Variants in COL9A3 observed in about 807,000 individuals in gnomAD.
COL9A3 encodes the protein collagen type IX alpha 3 chain.
A neutral mutation model predicts 110.2 loss-of-function variants in COL9A3; 82 were observed. The observed-to-expected ratio is 0.74, with a 90% CI of 0.62 to 0.89. The LOEUF is 0.89. COL9A3 is among the 40% of genes least tolerant of loss of function. The probability of loss-of-function intolerance (pLI) is 0.00; values close to 1 mark genes in which losing one functional copy is unlikely to be tolerated. For synonymous variants in COL9A3, 494 were observed against 403.8 expected, an observed-to-expected ratio of 1.22 and a Z score of -2.68; for missense variants, 1,066 against 981.3, an observed-to-expected ratio of 1.09 and a Z score of -1.15.
intron 13 of COL9A3, 144 bp downstream of exon 13, chr20:62,826,014 G>C (rs1169414692): frequency 2.7e-6 from 3 of 1,125,686 alleles, no homozygotes; most frequent in Non-Finnish European, 2.6e-6. Context: ...CGACCTGGCT[G>C]GGGGTCCCAC....
intron 31 of COL9A3, 84 bp from the exon 32 acceptor site, chr20:62,840,458 C>T: frequency 7.9e-7 from 1 of 1,271,242 alleles, no homozygotes; most frequent in Non-Finnish European, 1.1e-6. Context: ...GATGGAAGAG[C>T]AGGGCTTGCC....
In COL9A3 at chr20:62,830,586, C is replaced by T. The variant is rs149288125; in HGVS notation, c.1285C>T (p.Arg429Trp). 53 of 1,598,862 alleles carry T rather than the reference C, an allele frequency of 3.3e-5. No homozygotes were observed. In the African/African-American group the frequency reaches 3.4e-4, roughly 10 times the overall value. Reference sequence around the variant, plus strand: ...GGGCCTCCGAGGTGACGTGGGCGACCGGGTAAGTGGCCCTCTCAGCAGGAA... The same window carrying T: ...GGGCCTCCGAGGTGACGTGGGCGACTGGGTAAGTGGCCCTCTCAGCAGGAA... ...PQGLRGDVGD[R>W]GPGGAAGPKG... Residue 429 changes from arginine (R) to tryptophan (W), a missense_variant and splice_region_variant, in exon 24 of 32, where the codon CGG becomes TGG. Coordinates refer to ENST00000649368, the MANE Select transcript of COL9A3 (RefSeq NM_001853.4).
intron 24 of COL9A3, chr20:62,831,577 C>G (rs741757): frequency 0.15 from 26,292 of 173,260 alleles, 2,189 homozygotes; most frequent in African/African-American, 0.19. Context: ...ATGCCAGCAA[C>G]CTCAGGGCCT....
intron 26 of COL9A3, among the ~76,000 whole-genome samples, chr20:62,833,465 G>A (rs2872351): frequency 0.18 from 27,308 of 152,028 alleles, 2,612 homozygotes; most frequent in African/African-American, 0.25. Context: ...GTGCAGTGGC[G>A]CGATCTCGGC....
Position 62,830,564 on chromosome 20 carries a change from C to A in COL9A3, c.1263C>A (p.Gly421=), listed in dbSNP as rs776017580. The change falls in exon 24 of 32, where the codon GGC becomes GGA. Residue 421 remains glycine (G), a synonymous_variant. Transcript: ENST00000649368. The part of the protein sequence containing the change: ...MGDPGLPGPQ[G]LRGDVGDRGP... ...ACCCCGGCCTTCCAGGCCCCCAGGG[C>A]CTCCGAGGTGACGTGGGCGACCGGG... 1 of 1,606,084 alleles carries A rather than the reference C, an allele frequency of 6.2e-7. No homozygotes were observed. Among genetic ancestry groups the A allele is most frequent in the Non-Finnish European group, 8.5e-7 (1 of 1,177,382 alleles).
At chr20:62,835,439 G>A (rs1026421321) in intron 26 of COL9A3, among the ~76,000 whole-genome samples, 8 of 152,190 alleles carry the variant, frequency 5.3e-5, no homozygotes, top group African/African-American at 1.9e-4. Flanking sequence ...CCGGAGAGCC[G>A]AGCTCTCAAA....
intron 12 of COL9A3, 47 bp downstream of exon 12, chr20:62,825,068 T>G (rs759529722): frequency 7.1e-7 from 1 of 1,413,144 alleles, no homozygotes; most frequent in East Asian, 2.8e-5. Flanking sequence ...GACTGGAGGC[T>G]GGGCTCCGGC....
intron 11 of COL9A3, among the ~76,000 whole-genome samples, 161 bp from the exon 12 acceptor site, chr20:62,824,805 CCT>C (rs2063537445): frequency 6.6e-6 from 1 of 152,156 alleles, no homozygotes. Context: ...GGTCCTAGCG[CCT>C]CTCAGGCCTC....
At chr20:62,820,587 T>G (rs1180232700) in intron 5 of COL9A3, among the ~76,000 whole-genome samples, 1 of 151,898 alleles carries the variant, frequency 6.6e-6, no homozygotes, top group Admixed American at 6.6e-5. Context: ...TGGGAGCTCG[T>G]CAGGCATGAG....
chr20:62,832,830 G>A (rs1039777114), intron 25 of COL9A3, 190 bp from the exon 26 acceptor site: 8 of 461,828 alleles, frequency 1.7e-5, no homozygotes, highest in African/African-American at 1.1e-4. Context: ...TTTTGGCCCC[G>A]CCCCTGCCTG....
chr20:62,841,125 T>TAA lies in COL9A3; in HGVS notation c.*395_*396dup, dbSNP rs966596555. 4.6e-6 allele frequency: 1 copy of TAA among 218,680 alleles called. No homozygotes were observed. The highest frequency in any genetic ancestry group is 9.3e-6 in the Non-Finnish European group (1 of 107,438). The allele number at this position is 218,680 out of a possible 1,614,324, so 13.5% of individuals were successfully genotyped here. A position where few individuals can be genotyped will look rare whatever the true frequency, so the allele number is the denominator to read the frequency against. ...TGACTGGCTACAGAGTAACAAAAAA[T>TAA]AAAGAATTTAATGTACAGTAAATTC... On this transcript the variant is annotated 3_prime_UTR_variant, in exon 32 of 32. Transcript: ENST00000649368.
rs543140304 is a variant in COL9A3 at position 62,823,371 on chromosome 20, G to C, written c.519+739G>C. 3.9e-5 allele frequency among the ~76,000 whole-genome samples: 6 copies of C among 152,284 alleles called. No individual in the cohort carries two copies. In the South Asian group the frequency reaches 1.2e-3, roughly 32 times the overall value. ...AGAGGAAAGAAAATGGGCTTCGGAG[G>C]CCACGGATCCATCTCTCCTCTCTGT... On this transcript the variant is annotated intron_variant, in intron 10 of 31. Coordinates refer to ENST00000649368, the MANE Select transcript of COL9A3 (RefSeq NM_001853.4).
In COL9A3 at chr20:62,837,000, C is replaced by T. The variant is rs144457329; in HGVS notation, c.1604-83C>T. 32 of 1,525,554 alleles carry T rather than the reference C, an allele frequency of 2.1e-5. No homozygotes were observed. In the East Asian group the frequency reaches 2.7e-4, roughly 13 times the overall value. 94.5% of individuals were successfully genotyped at this position (1,525,554 alleles called of 1,614,324 possible). On this transcript the variant is annotated intron_variant, in intron 29 of 31. Transcript: ENST00000649368. The stretch of plus-strand genomic sequence containing the variant: ...AAAACTTGCTTCTGGAAGACAGCAC[C>T]GTGTAGATATTTTATGCTTTACGTA...
At chr20:62,829,026 G>T in intron 19 of COL9A3, 50 bp downstream of exon 19, 1 of 1,549,772 alleles carries the variant, frequency 6.5e-7, no homozygotes. Context: ...GCTTCTGCCT[G>T]CTCAGTGGCC....
At chr20:62,826,323 G>A in intron 14 of COL9A3, 66 bp downstream of exon 14, 2 of 1,402,328 alleles carry the variant, frequency 1.4e-6, no homozygotes, top group South Asian at 2.5e-5. Flanking sequence ...TGCACCTCCA[G>A]ACTTCAGATG....
rs368416358 is a variant in COL9A3, at chr20:62,825,841, G to A, written c.655G>A (p.Ala219Thr). 19 of 1,557,484 alleles carry A rather than the reference G, an allele frequency of 1.2e-5. No homozygotes were observed. The highest frequency in any genetic ancestry group is 7.2e-5 in the East Asian group (3 of 41,810). The change falls in exon 13 of 32, where the codon GCC (alanine) becomes ACC (threonine). Residue 219 changes from alanine (A) to threonine (T), a missense_variant. By Grantham distance (58) the Ala-to-Thr change is moderately conservative. Coordinates refer to ENST00000649368, the MANE Select transcript of COL9A3 (RefSeq NM_001853.4). Reference sequence around the variant, plus strand: ...GGGTGACCCTGGCCCCCCTGGGCCCGCCGGCCTCCCGGGCAGCGTGGGGCT... The same window carrying A: ...GGGTGACCCTGGCCCCCCTGGGCCCACCGGCCTCCCGGGCAGCGTGGGGCT... The part of the protein sequence containing the change: ...EKGDPGPPGP[A>T]GLPGSVGLQG...
rs201783992 is a variant in COL9A3 at position 62,837,142 on chromosome 20, C to T, written c.1663C>T (p.Arg555Trp). 273 of 1,613,202 alleles carry T rather than the reference C, an allele frequency of 1.7e-4. No individual in the cohort carries two copies. Among genetic ancestry groups the T allele is most frequent in the Non-Finnish European group, 2.0e-4 (231 of 1,179,984 alleles). The change falls in exon 30 of 32, where the codon CGG (arginine) becomes TGG (tryptophan). Residue 555 changes from arginine (R) to tryptophan (W), a missense_variant. Coordinates refer to ENST00000649368, the MANE Select transcript of COL9A3 (RefSeq NM_001853.4). The stretch of plus-strand genomic sequence containing the variant: ...GCCTTTGGCACCCGGGTCCATTGGT[C>T]GGCCCGGTCCAGCTGGCCCCCCTGG... ...RKPLAPGSIG[R>W]PGPAGPPGPP...
Position 62,829,722 on chromosome 20 carries a change from T to C in COL9A3, c.1107+41T>C, listed in dbSNP as rs779426980. The C allele has an allele frequency of 6.3e-6, 10 of 1,598,970 alleles. No homozygotes were observed. In the South Asian group the frequency reaches 7.9e-5, roughly 13 times the overall value. On this transcript the variant is annotated intron_variant, in intron 21 of 31. Coordinates refer to ENST00000649368, the MANE Select transcript of COL9A3 (RefSeq NM_001853.4). ...GCCCCAGACCCCTCCCCATCCAGCC[T>C]GTGTGCAGACCCTGCCCTGACACCC...
intron 25 of COL9A3, among the ~76,000 whole-genome samples, 162 bp downstream of exon 25, chr20:62,832,351 C>G (rs191257060): frequency 6.6e-6 from 1 of 152,396 alleles, no homozygotes; most frequent in East Asian, 1.9e-4. Context: ...GCTCCTGCCC[C>G]TCCTGCTTAG....
Sources: allele counts gnomAD v4.1 joint callset (sites outside exome capture counted in the v4.1 genomes callset), GRCh38; gene constraint gnomAD v4.1.1; transcripts MANE v1.5; gene names NCBI Gene and HGNC (gene_info 2026-07-23, HGNC 2026-07-21).